The following OLFM3 variants were observed in gnomAD, a reference collection of about 807,000 sequenced individuals.
The protein encoded by OLFM3 is olfactomedin 3, also known as noelin-3.
Under a neutral mutation model 48.6 loss-of-function variants are expected in OLFM3, and 20 were observed. That is an observed-to-expected ratio of 0.41 (90% CI 0.29 to 0.60). The LOEUF is 0.60. Ranked by LOEUF, OLFM3 falls within the 20% of genes least tolerant of loss-of-function variation. The pLI is 0.28. For missense variants in OLFM3, 437 were observed against 544.3 expected (o/e 0.80, Z 1.96); for synonymous variants, 222 against 198.1 (o/e 1.12, Z -1.01).
At chr1:101,816,156 A>C (rs940676602) in intron 4 of OLFM3, among the ~76,000 whole-genome samples, 4 of 152,236 alleles carry the variant, frequency 2.6e-5, no homozygotes, top group Admixed American at 6.5e-5. Flanking sequence ...TGCTGATTAC[A>C]AAACTCAGAA....
intron 4 of OLFM3, 52 bp downstream of exon 4, chr1:101,824,974 C>T (rs1344377566): frequency 6.7e-7 from 1 of 1,486,684 alleles, no homozygotes; most frequent in Non-Finnish European, 9.3e-7. Context: ...GCACAATTTT[C>T]TTTGAAACTA....
intron 1 of OLFM3, among the ~76,000 whole-genome samples, chr1:101,904,551 G>C (rs1047071838): frequency 3.3e-5 from 5 of 151,980 alleles, no homozygotes; most frequent in African/African-American, 1.2e-4. Context: ...AATATGTGGA[G>C]GGAAGCTAAA....
At position 101,814,102 on chromosome 1, in the gene OLFM3, C is replaced by A. The variant is rs1355589994; in HGVS notation, c.593-7920G>T. Among the ~76,000 whole-genome samples, 3 of 152,050 alleles carry A rather than the reference C, an allele frequency of 2.0e-5. No homozygotes were observed. In the South Asian group the frequency reaches 6.2e-4, roughly 32 times the overall value. ...ACATTTGATGACCATGTAAAGTGGT[C>A]TTTTGGCTAGTTGACTCTTATTTTT... On this transcript the variant is annotated intron_variant, in intron 4 of 5. Transcript: ENST00000370103.
At chr1:101,881,466 C>A (rs1410172012) in intron 1 of OLFM3, among the ~76,000 whole-genome samples, 1 of 151,740 alleles carries the variant, frequency 6.6e-6, no homozygotes, top group East Asian at 1.9e-4. Context: ...AAAGCATTGC[C>A]AGTTCAGTCT....
At chr1:101,938,836 T>A (rs142539318) in intron 1 of OLFM3, among the ~76,000 whole-genome samples, 13 of 152,274 alleles carry the variant, frequency 8.5e-5, no homozygotes, top group African/African-American at 2.9e-4. Flanking sequence ...TTCACCCAAA[T>A]CATCTTCCCA....
intron 1 of OLFM3, chr1:101,846,931 T>C (rs1251722691): frequency 1.2e-6 from 2 of 1,612,646 alleles, no homozygotes; most frequent in African/African-American, 2.7e-5. Flanking sequence ...ATCATTGCCA[T>C]GGTACTAAGC....
intron 1 of OLFM3, among the ~76,000 whole-genome samples, chr1:101,914,270 T>C (rs1658854854): frequency 6.6e-6 from 1 of 152,178 alleles, no homozygotes; most frequent in Admixed American, 6.5e-5. Flanking sequence ...TCCCATCTCT[T>C]TGCTCCTACT....
intron 1 of OLFM3, among the ~76,000 whole-genome samples, chr1:101,941,586 G>A (rs905892227): frequency 1.3e-5 from 2 of 152,118 alleles, no homozygotes; most frequent in African/African-American, 4.8e-5. Flanking sequence ...GACTAAAGAT[G>A]AGGTAATAAA....
At position 101,805,487 on chromosome 1, in the gene OLFM3, C is replaced by CTGAG. The variant is rs535166872; in HGVS notation, c.700-576_700-573dup. 5.7e-3 allele frequency among the ~76,000 whole-genome samples: 872 copies of CTGAG among 151,868 alleles called. 9 individuals are homozygous for CTGAG. The highest frequency in any genetic ancestry group is 0.02 in the African/African-American group (815 of 41,488). On this transcript the variant is annotated intron_variant, in intron 5 of 5. Coordinates refer to ENST00000370103, the MANE Select transcript of OLFM3 (RefSeq NM_058170.4). ...TAACCCTAGAGAATCTTAATTTTTA[C>CTGAG]TGAGTTCTGTAATAGGACATAAATA...
intron 1 of OLFM3, among the ~76,000 whole-genome samples, chr1:101,970,299 G>T (rs573842182): frequency 3.9e-4 from 59 of 152,318 alleles, no homozygotes; most frequent in African/African-American, 1.4e-3. Context: ...TTACAGGCAT[G>T]AGCCACTGTG....
intron 1 of OLFM3, among the ~76,000 whole-genome samples, chr1:101,900,892 T>A (rs1658367401): frequency 6.6e-6 from 1 of 152,054 alleles, no homozygotes; most frequent in African/African-American, 2.4e-5. Flanking sequence ...AGAAATTCCT[T>A]TCAGAAGCGG....
chr1:101,889,316 G>A (rs910464027), intron 1 of OLFM3, among the ~76,000 whole-genome samples: 2 of 152,152 alleles, frequency 1.3e-5, no homozygotes, highest in Admixed American at 1.3e-4. Context: ...GGAATACTAT[G>A]CATCCATAAA....
intron 1 of OLFM3, among the ~76,000 whole-genome samples, chr1:101,977,092 A>G (rs1228944671): frequency 1.3e-5 from 2 of 152,200 alleles, no homozygotes; most frequent in African/African-American, 4.8e-5. Flanking sequence ...TAGTAGTTAT[A>G]CAAACTATGA....
At chr1:101,884,249 A>G (rs576301609) in intron 1 of OLFM3, among the ~76,000 whole-genome samples, 2 of 152,014 alleles carry the variant, frequency 1.3e-5, no homozygotes, top group African/African-American at 4.8e-5. Flanking sequence ...TGAGAATTTA[A>G]AGTAATACGA....
At chr1:101,887,252 A>T (rs1657799622) in intron 1 of OLFM3, among the ~76,000 whole-genome samples, 1 of 151,940 alleles carries the variant, frequency 6.6e-6, no homozygotes, top group Non-Finnish European at 1.5e-5. Flanking sequence ...ATTGTGGCAG[A>T]AAGCATAATA....
At chr1:101,982,956 G>T in intron 1 of OLFM3, among the ~76,000 whole-genome samples, 1 of 151,800 alleles carries the variant, frequency 6.6e-6, no homozygotes. Flanking sequence ...TTGTTTCTCA[G>T]GAGAACCTCG....
chr1:101,938,039 A>G (rs561122786), intron 1 of OLFM3, among the ~76,000 whole-genome samples: 1 of 152,342 alleles, frequency 6.6e-6, no homozygotes, highest in South Asian at 2.1e-4. Flanking sequence ...TATTTATTGC[A>G]TGATGCTCTT....
At chr1:101,973,770 G>A (rs942424626) in intron 1 of OLFM3, among the ~76,000 whole-genome samples, 23 of 152,272 alleles carry the variant, frequency 1.5e-4, no homozygotes, top group African/African-American at 5.3e-4. Flanking sequence ...TAGGCCTATA[G>A]TAGAAAGTAT....
chr1:101,814,690 C>A lies in OLFM3; in HGVS notation c.593-8508G>T, dbSNP rs147177765. Among the ~76,000 whole-genome samples the A allele has an allele frequency of 4.6e-3, 704 of 152,284 alleles. 31 individuals carry two copies. Among genetic ancestry groups the A allele is most frequent in the Admixed American group, 0.03 (458 of 15,292 alleles). On this transcript the variant is annotated intron_variant, in intron 4 of 5. Transcript: ENST00000370103. ...TTAAAGAGTCGGCCTGGATTTGAATCCTGATTTTATCCCTTATTCGCTGGA... is the reference window on the plus strand; with the variant it reads ...TTAAAGAGTCGGCCTGGATTTGAATACTGATTTTATCCCTTATTCGCTGGA...
Sources: gnomAD v4.1 joint callset for allele counts (sites outside exome capture counted in the v4.1 genomes callset) on GRCh38, gnomAD v4.1.1 for gene constraint, MANE v1.5 for transcripts, NCBI Gene and HGNC (gene_info 2026-07-23, HGNC 2026-07-21) for gene names.